Variants in FBXL13 observed in about 807,000 individuals in gnomAD.
The protein encoded by FBXL13 is F-box and leucine rich repeat protein 13.
A neutral mutation model predicts 83.6 loss-of-function variants in FBXL13; 67 were observed. The observed-to-expected ratio is 0.80, with a 90% CI of 0.66 to 0.98. FBXL13 has a LOEUF of 0.98. FBXL13 is among the 50% of genes least tolerant of loss of function. The pLI is 0.00. For missense variants in FBXL13, 822 were observed against 866.5 expected (o/e 0.95, Z 0.64); for synonymous variants, 272 against 299.5 (o/e 0.91, Z 0.95).
At chr7:102,892,418 A>C (rs1811648098) in intron 11 of FBXL13, among the ~76,000 whole-genome samples, 1 of 152,224 alleles carries the variant, frequency 6.6e-6, no homozygotes, top group Non-Finnish European at 1.5e-5. Context: ...AACCATTTAA[A>C]TTTATATAAG....
chr7:102,886,901 C>T (rs1409421222), intron 11 of FBXL13, among the ~76,000 whole-genome samples: 2 of 152,196 alleles, frequency 1.3e-5, no homozygotes, highest in East Asian at 3.9e-4. Context: ...AGAAGCCAGG[C>T]CTTTGGGTTG....
chr7:102,937,152 G>A (rs1316813759), intron 8 of FBXL13, among the ~76,000 whole-genome samples: 1 of 152,026 alleles, frequency 6.6e-6, no homozygotes, highest in African/African-American at 2.4e-5. Context: ...AACAACTTAA[G>A]TTCCTCCAAG....
At chr7:103,012,118 G>A (rs549175313) in intron 6 of FBXL13, among the ~76,000 whole-genome samples, 101 of 152,276 alleles carry the variant, frequency 6.6e-4, no homozygotes, top group African/African-American at 2.3e-3. Context: ...GCTCACGCCT[G>A]TAATCCCAGC....
chr7:102,835,633 G>A (rs1455869907), intron 17 of FBXL13, among the ~76,000 whole-genome samples: 8 of 92,066 alleles, frequency 8.7e-5, no homozygotes, highest in Admixed American at 1.6e-4. Flanking sequence ...TTTTTGAGAC[G>A]GAGTCTCGCT....
intron 6 of FBXL13, among the ~76,000 whole-genome samples, chr7:102,993,179 G>C (rs1273637472): frequency 6.6e-6 from 1 of 152,192 alleles, no homozygotes; most frequent in East Asian, 1.9e-4. Context: ...AATGAGGTCA[G>C]ACTGACCCCT....
At chr7:102,989,140 T>A (rs750717361) in intron 6 of FBXL13, among the ~76,000 whole-genome samples, 2 of 151,864 alleles carry the variant, frequency 1.3e-5, no homozygotes, top group Non-Finnish European at 2.9e-5. Context: ...AACAATTGAG[T>A]AAACTGGAAA....
intron 11 of FBXL13, among the ~76,000 whole-genome samples, chr7:102,900,873 A>G (rs1265561045): frequency 6.6e-6 from 1 of 152,262 alleles, no homozygotes; most frequent in African/African-American, 2.4e-5. Flanking sequence ...ATTGTTTTGC[A>G]TAATGATGTG....
rs79217324 is a variant in FBXL13, at chr7:102,937,995, A to G, written c.725-6062T>C. The stretch of plus-strand genomic sequence containing the variant: ...TGCCCATTCAACCACACAGACCTCA[A>G]TGATCACTATGTATTTTTGCCTTAA... On this transcript the variant is annotated intron_variant, in intron 8 of 19. Transcript: ENST00000313221. Among the ~76,000 whole-genome samples, 571 of 152,342 alleles carry G rather than the reference A, an allele frequency of 3.7e-3. 5 individuals carry two copies. The highest frequency in any genetic ancestry group is 0.014 in the African/African-American group (564 of 41,582).
chr7:103,035,589 A>G (rs566841060), intron 2 of FBXL13, among the ~76,000 whole-genome samples: 3 of 152,210 alleles, frequency 2.0e-5, no homozygotes, highest in Non-Finnish European at 4.4e-5. Context: ...TCCATTTACT[A>G]TATGTAAAAA....
chr7:102,959,301 T>C (rs1824795050), intron 8 of FBXL13, among the ~76,000 whole-genome samples: 1 of 152,142 alleles, frequency 6.6e-6, no homozygotes, highest in Admixed American at 6.6e-5. Context: ...TTGAAACTCC[T>C]TGTGCACTTC....
intron 6 of FBXL13, among the ~76,000 whole-genome samples, chr7:103,002,382 A>G (rs1173516982): frequency 6.6e-6 from 1 of 152,154 alleles, no homozygotes; most frequent in African/African-American, 2.4e-5. Flanking sequence ...ACAAGTTGCT[A>G]TAGTTATTAT....
intron 2 of FBXL13, among the ~76,000 whole-genome samples, chr7:103,044,103 T>A (rs1796030700): frequency 6.6e-6 from 1 of 152,114 alleles, no homozygotes; most frequent in Non-Finnish European, 1.5e-5. Context: ...CTGAATGAAA[T>A]CAAGCATCTA....
chr7:103,065,814 G>C (rs765558447), intron 1 of FBXL13, among the ~76,000 whole-genome samples: 2 of 152,214 alleles, frequency 1.3e-5, no homozygotes, highest in Middle Eastern at 3.2e-3. Context: ...ATGGTCCAAG[G>C]CTTGGTGAAC....
chr7:102,893,918 A>AAG (rs907582158), intron 11 of FBXL13, among the ~76,000 whole-genome samples: 16 of 149,406 alleles, frequency 1.1e-4, no homozygotes, highest in African/African-American at 2.0e-4. Flanking sequence ...AGGGGAAAGA[A>AAG]AGAGAGAGAG....
intron 18 of FBXL13, among the ~76,000 whole-genome samples, chr7:102,828,397 C>T (rs1800097996): frequency 1.3e-5 from 2 of 152,116 alleles, no homozygotes; most frequent in Non-Finnish European, 2.9e-5. Context: ...AATTGATTTT[C>T]CTTATGGTCA....
At chr7:102,962,171 C>T (rs201756448) in intron 8 of FBXL13, among the ~76,000 whole-genome samples, 7,470 of 150,448 alleles carry the variant, frequency 0.05, 146 homozygotes, top group South Asian at 0.12. Flanking sequence ...AAAAAGTGGG[C>T]GAAGGACATG....
chr7:102,929,333 G>A (rs542788404), intron 9 of FBXL13, among the ~76,000 whole-genome samples: 2 of 152,268 alleles, frequency 1.3e-5, no homozygotes, highest in African/African-American at 4.8e-5. Flanking sequence ...CTGTGTTGAA[G>A]TACTGAGACC....
At chr7:103,066,173 GA>G (rs1269584320) in intron 1 of FBXL13, among the ~76,000 whole-genome samples, 3 of 152,084 alleles carry the variant, frequency 2.0e-5, no homozygotes, top group East Asian at 3.8e-4. Context: ...GTTTTATGGG[GA>G]AAAAAATTTT....
Position 102,974,091 on chromosome 7 carries a change from T to TA in FBXL13, c.496-5975dup, listed in dbSNP as rs904611192. On this transcript the variant is annotated intron_variant, in intron 6 of 19. Transcript: ENST00000313221. ...AAAAACAGCCCTCTAGGCTGCCTCATAAAAAACCTGTAAACCTGGCCAGGT... is the reference window on the plus strand; with the variant it reads ...AAAAACAGCCCTCTAGGCTGCCTCATAAAAAAACCTGTAAACCTGGCCAGGT... Among the ~76,000 whole-genome samples, 10 of 152,124 alleles carry TA rather than the reference T, an allele frequency of 6.6e-5. No individual in the cohort carries two copies. In the East Asian group the frequency reaches 9.7e-4, roughly 15 times the overall value.
Sources: gnomAD v4.1 joint callset for allele counts (sites outside exome capture counted in the v4.1 genomes callset) on GRCh38, gnomAD v4.1.1 for gene constraint, MANE v1.5 for transcripts, NCBI Gene and HGNC (gene_info 2026-07-23, HGNC 2026-07-21) for gene names.